Variants in CYFIP1 observed in about 807,000 individuals in gnomAD.
The protein encoded by CYFIP1 is cytoplasmic FMR1-interacting protein 1.
In CYFIP1, 58 loss-of-function variants were observed where a neutral mutation model predicts 163.5. That is an observed-to-expected ratio of 0.35 (90% confidence interval 0.29 to 0.44). The LOEUF (loss-of-function observed/expected upper bound fraction) is 0.44. Ranked by LOEUF, CYFIP1 falls within the 20% of genes least tolerant of loss-of-function variation. The probability of loss-of-function intolerance (pLI) is 1.00; values close to 1 mark genes in which losing one functional copy is unlikely to be tolerated. For missense variants in CYFIP1, 1,338 were observed against 1,653.8 expected (o/e 0.81, Z 3.31); for synonymous variants, 663 against 660.7 (o/e 1.00, Z -0.05).
Position 22,917,740 on chromosome 15 carries a change from T to C in CYFIP1, c.1674+48A>G. On this transcript the variant is annotated intron_variant, in intron 15 of 30. Transcript: ENST00000617928. The surrounding 1 kb of genome is among the most constrained non-coding windows in gnomAD (Gnocchi z 4.2). ...AGCCCCACCCGCTCACAGCTCAGGG[T>C]GGGTCCCCCCAGGGAGAGGGTGCAG... The C allele has an allele frequency of 6.6e-7, 1 of 1,518,466 alleles. No individual in the cohort carries two copies. The allele number at this position is 1,518,466 out of a possible 1,614,324, so 94.1% of individuals were successfully genotyped here. A position where few individuals can be genotyped will look rare whatever the true frequency, so the allele number is the denominator to read the frequency against.
At chr15:22,969,971 CATG>C (rs2063035894) in intron 1 of CYFIP1, among the ~76,000 whole-genome samples, 1 of 152,084 alleles carries the variant, frequency 6.6e-6, no homozygotes, top group South Asian at 2.1e-4. Flanking sequence ...CTCTGGATGA[CATG>C]ATTTTATATG....
chr15:22,942,217 G>A (rs1316995772), intron 6 of CYFIP1, among the ~76,000 whole-genome samples: 2 of 152,112 alleles, frequency 1.3e-5, no homozygotes, highest in East Asian at 1.9e-4. Context: ...GTCCCAAGTG[G>A]GTTTTTAAAA....
chr15:22,905,476 T>A (rs1419921651), intron 21 of CYFIP1: 1 of 150,082 alleles, frequency 6.7e-6, no homozygotes, highest in East Asian at 2.0e-4. Context: ...ATTTTAAAAA[T>A]GTTCCCTCTT....
chr15:22,948,150 T>A, intron 1 of CYFIP1: 1 of 200,978 alleles, frequency 5.0e-6, no homozygotes, highest in Non-Finnish European at 8.8e-6. Context: ...TCAGTCCCAC[T>A]GCACTGGCTG....
chr15:22,965,729 G>A (rs765595222), intron 1 of CYFIP1, among the ~76,000 whole-genome samples: 5 of 152,150 alleles, frequency 3.3e-5, no homozygotes, highest in Non-Finnish European at 5.9e-5. Context: ...CAGGGATAAC[G>A]AATTAGGCTT....
intron 15 of CYFIP1, 45 bp from the exon 16 acceptor site, chr15:22,916,675 G>A: frequency 6.2e-7 from 1 of 1,614,078 alleles, no homozygotes; most frequent in Non-Finnish European, 8.5e-7. Flanking sequence ...AATATACATG[G>A]TACATTAGTT....
Position 22,903,691 on chromosome 15 carries a change from G to T in CYFIP1, c.2588+15C>A, listed in dbSNP as rs1432269299. On this transcript the variant is annotated intron_variant, in intron 22 of 30. Coordinates refer to ENST00000617928, the MANE Select transcript of CYFIP1 (RefSeq NM_014608.6). ...GCGCCTCGCCTGTGGGCGCCTGTGT[G>T]GCGGGCACGCTCACCGGTTGGTAGA... 1 of 1,612,940 alleles carries T rather than the reference G, an allele frequency of 6.2e-7. No individual in the cohort carries two copies. The highest frequency in any genetic ancestry group is 1.1e-5 in the South Asian group (1 of 91,080).
intron 6 of CYFIP1, among the ~76,000 whole-genome samples, chr15:22,942,888 T>A (rs1030550116): frequency 1.3e-5 from 2 of 152,196 alleles, no homozygotes; most frequent in Non-Finnish European, 2.9e-5. Flanking sequence ...ATCTTGTGCA[T>A]GTCTGTCTTC....
chr15:22,954,318 T>C (rs533002469), intron 1 of CYFIP1, among the ~76,000 whole-genome samples: 2 of 152,270 alleles, frequency 1.3e-5, no homozygotes, highest in Admixed American at 1.3e-4. Context: ...CTGTGGTGTT[T>C]TGTTAATGGT....
chr15:22,895,227 G>A (rs1475634873), intron 22 of CYFIP1, among the ~76,000 whole-genome samples: 2 of 152,120 alleles, frequency 1.3e-5, no homozygotes, highest in East Asian at 3.9e-4. Context: ...TGTTAGCCAG[G>A]ATGGTCTCGA....
chr15:22,961,383 G>GC (rs964413094), intron 1 of CYFIP1, among the ~76,000 whole-genome samples: 3 of 151,842 alleles, frequency 2.0e-5, no homozygotes, highest in African/African-American at 7.3e-5. Flanking sequence ...TAACCAGTTT[G>GC]TTTTTCTTCT....
intron 1 of CYFIP1, chr15:22,947,853 G>A: frequency 1.3e-6 from 1 of 762,500 alleles, no homozygotes; most frequent in Non-Finnish European, 1.6e-6. Context: ...GACAGAAAGT[G>A]CCACACCGCA....
chr15:22,920,675 A>C (rs1025877649), intron 13 of CYFIP1, among the ~76,000 whole-genome samples: 10 of 152,248 alleles, frequency 6.6e-5, no homozygotes, highest in African/African-American at 2.4e-4. Flanking sequence ...TGCAATTAAA[A>C]TAATGAAAAT....
At chr15:22,947,686 G>T (rs1016356704) in intron 1 of CYFIP1, among the ~76,000 whole-genome samples, 6 of 152,154 alleles carry the variant, frequency 3.9e-5, no homozygotes, top group Non-Finnish European at 8.8e-5. Context: ...TGCCACATCT[G>T]CCCAGCAGAG....
Position 22,869,463 on chromosome 15 carries a change from A to G in CYFIP1, c.*565T>C, listed in dbSNP as rs41288119. On this transcript the variant is annotated 3_prime_UTR_variant, in exon 31 of 31. Transcript: ENST00000617928. ...GGGTTAGAGTAAATAAATGAACACA[A>G]ATAGATCTCATTAGTTTTATTTCTA... 6.6e-6 allele frequency: 1 copy of G among 152,270 alleles called. No homozygotes were observed. The highest frequency in any genetic ancestry group is 1.5e-5 in the Non-Finnish European group (1 of 68,058). 9.4% of individuals were successfully genotyped at this position (152,270 alleles called of 1,614,324 possible).
chr15:22,979,904 CACTA>C (rs1305012643), intron 1 of CYFIP1, among the ~76,000 whole-genome samples: 1 of 152,206 alleles, frequency 6.6e-6, no homozygotes, highest in Non-Finnish European at 1.5e-5. Flanking sequence ...AAACGTCAAA[CACTA>C]AGGTATTCCT....
chr15:22,872,258 G>A (rs530546327), intron 30 of CYFIP1, among the ~76,000 whole-genome samples: 1 of 145,044 alleles, frequency 6.9e-6, no homozygotes, highest in Non-Finnish European at 1.5e-5. Context: ...TCGTGGCATT[G>A]CACCCCAGCC....
chr15:22,928,512 G>A (rs2061431301), intron 11 of CYFIP1, among the ~76,000 whole-genome samples: 1 of 152,222 alleles, frequency 6.6e-6, no homozygotes, highest in African/African-American at 2.4e-5. Context: ...GCAGAGCACA[G>A]AGCAAGGGAC....
chr15:22,917,165 GT>G lies in CYFIP1; in HGVS notation c.1675-536del. ...TGGCACCACGCACAGGCCGAGGGCC[GT>G]CCCCCTGACCCTCCTGCAGAGCCAG... On this transcript the variant is annotated intron_variant, in intron 15 of 30. Coordinates refer to ENST00000617928, the MANE Select transcript of CYFIP1 (RefSeq NM_014608.6). This position sits in a 1 kb window ranked among gnomAD's most constrained non-coding sequence, Gnocchi z 4.2. 1 of 1,434,218 alleles carries G rather than the reference GT, an allele frequency of 7.0e-7. No homozygotes were observed. The highest frequency in any genetic ancestry group is 9.1e-7 in the Non-Finnish European group (1 of 1,100,404). 88.8% of individuals were successfully genotyped at this position (1,434,218 alleles called of 1,614,324 possible). A position where few individuals can be genotyped will look rare whatever the true frequency, so the allele number is the denominator to read the frequency against.
Sources: gnomAD v4.1 joint callset for allele counts (sites outside exome capture counted in the v4.1 genomes callset) on GRCh38, gnomAD v4.1.1 for gene constraint, Gnocchi (gnomAD v3.1) non-coding constraint, MANE v1.5 for transcripts, NCBI Gene and HGNC (gene_info 2026-07-23, HGNC 2026-07-21) for gene names.